GRIA1: variants seen among roughly 807,000 people sequenced by gnomAD.
GRIA1 encodes the protein glutamate receptor 1.
In GRIA1, 31 loss-of-function variants were observed where a neutral mutation model predicts 99.2. The ratio of observed to expected loss-of-function variants is 0.31; its 90% CI spans 0.23 to 0.42. GRIA1 has a LOEUF of 0.42. GRIA1 is among the 10% of genes least tolerant of loss of function. The pLI, the probability that GRIA1 is intolerant of heterozygous loss-of-function variation, is 1.00. For missense variants in GRIA1, 782 were observed against 1,157.5 expected (o/e 0.68, Z 4.71); for synonymous variants, 438 against 432.4 (o/e 1.01, Z -0.16).
rs4032985 is a variant in GRIA1, at chr5:153,656,384, T to TC, written c.699+512_699+513insC. ...TCTATATGGCATAGATAAGTTTGTT[T>TC]ATATATATATATATATATATATATA... On this transcript the variant is annotated intron_variant, in intron 5 of 15. Coordinates refer to ENST00000285900, the MANE Select transcript of GRIA1 (RefSeq NM_000827.4). 1.4e-4 allele frequency among the ~76,000 whole-genome samples: 14 copies of TC among 100,932 alleles called. 1 individual carries two copies. The highest frequency in any genetic ancestry group is 2.2e-4 in the Non-Finnish European group (11 of 50,144). The allele number at this position is 100,932 out of a possible 152,430, so 66.2% of individuals were successfully genotyped here.
intron 8 of GRIA1, among the ~76,000 whole-genome samples, chr5:153,688,273 G>C (rs144599988): frequency 6.6e-6 from 1 of 152,132 alleles, no homozygotes. Flanking sequence ...CACTGGGAAC[G>C]TATCCACTTC....
At chr5:153,776,154 G>A (rs1056639164) in intron 13 of GRIA1, among the ~76,000 whole-genome samples, 4 of 152,144 alleles carry the variant, frequency 2.6e-5, no homozygotes, top group Non-Finnish European at 4.4e-5. Flanking sequence ...CACAGGGAAG[G>A]AAGTCATTTA....
intron 7 of GRIA1, among the ~76,000 whole-genome samples, chr5:153,685,436 C>T (rs548128688): frequency 5.9e-5 from 9 of 152,294 alleles, no homozygotes; most frequent in South Asian, 4.1e-4. Flanking sequence ...AAGTCTCATG[C>T]GGCATATTTG....
chr5:153,669,378 T>C (rs1755983382), intron 5 of GRIA1, among the ~76,000 whole-genome samples: 1 of 152,228 alleles, frequency 6.6e-6, no homozygotes, highest in South Asian at 2.1e-4. Flanking sequence ...TTATAAGCAA[T>C]GCTTCTGAAG....
At chr5:153,803,749 G>A (rs948928126) in intron 15 of GRIA1, among the ~76,000 whole-genome samples, 3 of 152,146 alleles carry the variant, frequency 2.0e-5, no homozygotes, top group African/African-American at 7.2e-5. Context: ...ACCCTAAGAA[G>A]CCTACTTTTC....
intron 11 of GRIA1, among the ~76,000 whole-genome samples, chr5:153,713,400 G>A (rs907136914): frequency 1.3e-5 from 2 of 152,252 alleles, no homozygotes. Flanking sequence ...TGCATGGACT[G>A]TGTGGGGGTG....
At chr5:153,704,908 TG>T (rs1264275696) in intron 10 of GRIA1, among the ~76,000 whole-genome samples, 13 of 152,188 alleles carry the variant, frequency 8.5e-5, no homozygotes, top group African/African-American at 3.1e-4. Context: ...TTCCTGAGGG[TG>T]GGGACCATAG....
intron 1 of GRIA1, chr5:153,492,038 G>T (rs1333208612): frequency 1.1e-6 from 1 of 931,954 alleles, no homozygotes; most frequent in Non-Finnish European, 1.5e-6. Flanking sequence ...GAAGCAAGCT[G>T]CTGTGTTTGG....
intron 13 of GRIA1, among the ~76,000 whole-genome samples, chr5:153,788,940 C>T (rs1424340702): frequency 6.6e-6 from 1 of 152,214 alleles, no homozygotes; most frequent in Non-Finnish European, 1.5e-5. Flanking sequence ...AATTCCATTT[C>T]CTTTGGCTCT....
chr5:153,521,672 G>A (rs1041979288), intron 2 of GRIA1, among the ~76,000 whole-genome samples: 2 of 152,184 alleles, frequency 1.3e-5, no homozygotes, highest in Non-Finnish European at 2.9e-5. Flanking sequence ...AGCTCTGGTG[G>A]TTGAAGCTAA....
At chr5:153,773,480 G>A (rs1340872293) in intron 13 of GRIA1, among the ~76,000 whole-genome samples, 1 of 152,152 alleles carries the variant, frequency 6.6e-6, no homozygotes, top group Non-Finnish European at 1.5e-5. Flanking sequence ...CCACTCTGAA[G>A]GCAAAAGGTG....
intron 13 of GRIA1, among the ~76,000 whole-genome samples, chr5:153,780,457 A>G (rs1764561196): frequency 1.3e-5 from 2 of 152,204 alleles, no homozygotes; most frequent in Non-Finnish European, 2.9e-5. Flanking sequence ...AAGTGACTTC[A>G]TCTCCTTAAG....
At chr5:153,671,667 T>C (rs570183570) in intron 5 of GRIA1, among the ~76,000 whole-genome samples, 29 of 152,354 alleles carry the variant, frequency 1.9e-4, no homozygotes, top group African/African-American at 7.0e-4. Context: ...TGCCTGCTGG[T>C]CATATTTCTC....
intron 2 of GRIA1, among the ~76,000 whole-genome samples, chr5:153,631,362 C>A (rs1422886): frequency 0.23 from 35,416 of 152,158 alleles, 4,539 homozygotes; most frequent in Non-Finnish European, 0.3. Context: ...GCTCATATCA[C>A]CTTTGCTGGT....
chr5:153,782,316 C>T (rs1392436104), intron 13 of GRIA1, among the ~76,000 whole-genome samples: 1 of 152,160 alleles, frequency 6.6e-6, no homozygotes, highest in Admixed American at 6.5e-5. Context: ...AGTCTATGCT[C>T]TTATCAATCA....
rs866631867 is a variant in GRIA1 at position 153,578,704 on chromosome 5, C to G, written c.221-68224C>G. ...CGGGTGGATCACGAGGTCAGGAATT[C>G]GAGACCAGCCTGGCCAGCATGGTGA... On this transcript the variant is annotated intron_variant, in intron 2 of 15. Coordinates refer to ENST00000285900, the MANE Select transcript of GRIA1 (RefSeq NM_000827.4). Among the ~76,000 whole-genome samples, 2 of 152,116 alleles carry G rather than the reference C, an allele frequency of 1.3e-5. 1 individual carries two copies. Among genetic ancestry groups the G allele is most frequent in the African/African-American group, 4.8e-5 (2 of 41,428 alleles).
At chr5:153,645,707 A>T (rs1292267596) in intron 2 of GRIA1, among the ~76,000 whole-genome samples, 1 of 152,174 alleles carries the variant, frequency 6.6e-6, no homozygotes, top group East Asian at 1.9e-4. Context: ...CGCATACTGT[A>T]ATTTGAGATC....
intron 5 of GRIA1, among the ~76,000 whole-genome samples, chr5:153,667,441 C>T (rs764899473): frequency 3.3e-5 from 5 of 152,204 alleles, no homozygotes; most frequent in African/African-American, 4.8e-5. Context: ...CATGTTCTCT[C>T]AGGCTTCTTG....
chr5:153,630,695 T>C (rs944714416), intron 2 of GRIA1, among the ~76,000 whole-genome samples: 1 of 152,234 alleles, frequency 6.6e-6, no homozygotes, highest in African/African-American at 2.4e-5. Context: ...AGAGATTTTA[T>C]GGCTTTAGCA....
Sources: allele counts gnomAD v4.1 joint callset (sites outside exome capture counted in the v4.1 genomes callset), GRCh38; gene constraint gnomAD v4.1.1; transcripts MANE v1.5; gene names NCBI Gene and HGNC (gene_info 2026-07-23, HGNC 2026-07-21).